Variants in SGCG observed in about 807,000 individuals in gnomAD.
SGCG encodes the protein gamma-sarcoglycan.
SGCG carries 26 observed loss-of-function variants against 29.3 expected under a neutral mutation model. The ratio of observed to expected loss-of-function variants is 0.89; its 90% confidence interval spans 0.65 to 1.23. The LOEUF is 1.23. Ranked by LOEUF, SGCG falls within the 50% of genes most tolerant of loss-of-function variation. The pLI is 0.00. For missense variants in SGCG, 353 were observed against 356.0 expected (o/e 0.99, Z 0.07); for synonymous variants, 145 against 129.7 (o/e 1.12, Z -0.80).
intron 4 of SGCG, among the ~76,000 whole-genome samples, chr13:23,266,031 T>C (rs1234173945): frequency 6.6e-6 from 1 of 151,970 alleles, no homozygotes; most frequent in Non-Finnish European, 1.5e-5. Flanking sequence ...CATCAAACAA[T>C]GTGTGGATAA....
At chr13:23,254,723 C>G (rs904022368) in intron 4 of SGCG, among the ~76,000 whole-genome samples, 1 of 152,116 alleles carries the variant, frequency 6.6e-6, no homozygotes, top group Non-Finnish European at 1.5e-5. Flanking sequence ...TCGTGACAGC[C>G]CATTCCATCA....
rs376838554 is a variant in SGCG at position 23,250,173 on chromosome 13, A to G, written c.298-457A>G. ...GTCTGTAATTATAACTCTGCTGTAT[A>G]CATAGATTTTTTTATTTTGATAAAG... On this transcript the variant is annotated intron_variant, in intron 3 of 7. Coordinates refer to ENST00000218867, the MANE Select transcript of SGCG (RefSeq NM_000231.3). 1.4e-4 allele frequency among the ~76,000 whole-genome samples: 22 copies of G among 152,366 alleles called. 1 individual carries two copies. In the South Asian group the frequency reaches 4.3e-3, roughly 30 times the overall value.
At position 23,240,320 on chromosome 13, in the gene SGCG, A is replaced by T. The variant is rs544124676; in HGVS notation, c.297+5608A>T. The stretch of plus-strand genomic sequence containing the variant: ...ATCCACTATCAGAGCATCAATATAC[A>T]TGAAGCAAAACTGATAGATTGTAAG... On this transcript the variant is annotated intron_variant, in intron 3 of 7. Transcript: ENST00000218867. Among the ~76,000 whole-genome samples the T allele has an allele frequency of 1.4e-4, 22 of 152,310 alleles. No homozygotes were observed. The East Asian group carries it at 4.0e-3, about 28-fold the overall frequency.
intron 6 of SGCG, 68 bp downstream of exon 6, chr13:23,295,555 T>A (rs1238321219): frequency 1.9e-6 from 2 of 1,056,742 alleles, no homozygotes; most frequent in East Asian, 4.7e-5. Context: ...GCTGGAATAA[T>A]GTTAGCAGTG....
chr13:23,240,765 A>C (rs1204717563), intron 3 of SGCG, among the ~76,000 whole-genome samples: 1 of 152,232 alleles, frequency 6.6e-6, no homozygotes, highest in African/African-American at 2.4e-5. Flanking sequence ...TTTGAACTGA[A>C]TGACAATTAA....
intron 3 of SGCG, among the ~76,000 whole-genome samples, chr13:23,238,775 T>C (rs1879401240): frequency 6.6e-6 from 1 of 152,152 alleles, no homozygotes; most frequent in African/African-American, 2.4e-5. Flanking sequence ...CAAAAGAATC[T>C]TCTAGAGATG....
chr13:23,200,157 G>A (rs953045061), intron 1 of SGCG, among the ~76,000 whole-genome samples: 1 of 152,124 alleles, frequency 6.6e-6, no homozygotes, highest in Non-Finnish European at 1.5e-5. Context: ...GCGTGGTGGT[G>A]CATGCCTGTA....
At chr13:23,238,860 A>G (rs1326988750) in intron 3 of SGCG, among the ~76,000 whole-genome samples, 1 of 152,222 alleles carries the variant, frequency 6.6e-6, no homozygotes, top group East Asian at 1.9e-4. Context: ...AAGTATAGCT[A>G]TAGATACTCT....
chr13:23,274,185 A>T (rs115761849), intron 4 of SGCG, among the ~76,000 whole-genome samples: 1 of 152,038 alleles, frequency 6.6e-6, no homozygotes, highest in African/African-American at 2.4e-5. Flanking sequence ...CTCATTTAGT[A>T]TTCATTTCCT....
At position 23,224,965 on chromosome 13, in the gene SGCG, C is replaced by A. The variant is rs75446581; in HGVS notation, c.196-9646C>A. 4.6e-3 allele frequency among the ~76,000 whole-genome samples: 700 copies of A among 152,142 alleles called. 6 individuals carry two copies. Among genetic ancestry groups the A allele is most frequent in the African/African-American group, 0.016 (657 of 41,496 alleles). On this transcript the variant is annotated intron_variant, in intron 2 of 7. Coordinates refer to ENST00000218867, the MANE Select transcript of SGCG (RefSeq NM_000231.3). Reference sequence around the variant, plus strand: ...ATTGCTATGCTCTTGCCAGTGAGCACGGTCCCTGGAGCAGTAGCAGCACCC... The same window carrying A: ...ATTGCTATGCTCTTGCCAGTGAGCAAGGTCCCTGGAGCAGTAGCAGCACCC...
chr13:23,274,870 C>A (rs945715997), intron 4 of SGCG, among the ~76,000 whole-genome samples: 12 of 151,984 alleles, frequency 7.9e-5, no homozygotes, highest in African/African-American at 2.9e-4. Context: ...TTTAAAAATT[C>A]ATAGCATTAT....
chr13:23,253,549 A>C (rs1246585443), intron 4 of SGCG, among the ~76,000 whole-genome samples: 1 of 152,200 alleles, frequency 6.6e-6, no homozygotes, highest in African/African-American at 2.4e-5. Context: ...AATTTATGTG[A>C]ACTAGCCATA....
chr13:23,253,381 G>A (rs1455038348), intron 4 of SGCG, among the ~76,000 whole-genome samples: 1 of 152,174 alleles, frequency 6.6e-6, no homozygotes, highest in Non-Finnish European at 1.5e-5. Flanking sequence ...TCTTTAGTTG[G>A]AAAGTCTCTG....
chr13:23,217,899 G>A (rs1286111365), intron 2 of SGCG, among the ~76,000 whole-genome samples: 2 of 152,020 alleles, frequency 1.3e-5, no homozygotes, highest in African/African-American at 4.8e-5. Context: ...AGTAGCTGAT[G>A]AGTATACTTC....
chr13:23,287,954 C>T (rs2137631914), intron 5 of SGCG, among the ~76,000 whole-genome samples: 1 of 152,236 alleles, frequency 6.6e-6, no homozygotes, highest in Non-Finnish European at 1.5e-5. Flanking sequence ...GGGGTTTCAC[C>T]ATGTTAGCCA....
chr13:23,166,281 C>A, the SGCG span, among the ~76,000 whole-genome samples: 1 of 152,042 alleles, frequency 6.6e-6, no homozygotes, highest in Non-Finnish European at 1.5e-5. Context: ...CTGCAACATC[C>A]GCCTCCCGAG....
intron 1 of SGCG, among the ~76,000 whole-genome samples, chr13:23,185,726 C>T (rs942099068): frequency 6.6e-6 from 1 of 152,220 alleles, no homozygotes; most frequent in African/African-American, 2.4e-5. Context: ...CAGAGAGGGG[C>T]CGGGCTTTCA....
intron 5 of SGCG, among the ~76,000 whole-genome samples, chr13:23,294,779 A>G (rs1441788408): frequency 1.3e-5 from 2 of 152,162 alleles, no homozygotes; most frequent in Admixed American, 6.5e-5. Context: ...CCTCATGGGT[A>G]AATAGGAAAA....
intron 6 of SGCG, among the ~76,000 whole-genome samples, chr13:23,304,401 T>C (rs956333349): frequency 6.6e-6 from 1 of 152,012 alleles, no homozygotes; most frequent in Non-Finnish European, 1.5e-5. Context: ...TAATTTTATC[T>C]TTTCCAGTTG....
Sources: gnomAD v4.1 joint callset for allele counts (sites outside exome capture counted in the v4.1 genomes callset) on GRCh38, gnomAD v4.1.1 for gene constraint, MANE v1.5 for transcripts, NCBI Gene and HGNC (gene_info 2026-07-23, HGNC 2026-07-21) for gene names.